The following UBAP2 variants were observed in gnomAD, a reference collection of about 807,000 sequenced individuals.
UBAP2 encodes ubiquitin-associated protein 2.
UBAP2 carries 75 observed loss-of-function variants against 139.6 expected under a neutral mutation model. That is an observed-to-expected ratio of 0.54 (90% CI 0.45 to 0.65). The LOEUF (loss-of-function observed/expected upper bound fraction) is 0.65, where lower values mean the gene tolerates loss of function less well. Among genes scored for constraint, UBAP2 ranks in the 30% least tolerant of loss-of-function variants. The pLI is 0.00. For synonymous variants in UBAP2, 526 were observed against 526.2 expected (o/e 1.00, Z 0.01); for missense variants, 1,368 against 1,369.6 (o/e 1.00, Z 0.02).
chr9:34,032,202 C>T (rs1334227355), intron 1 of UBAP2, among the ~76,000 whole-genome samples: 1 of 152,150 alleles, frequency 6.6e-6, no homozygotes, highest in Non-Finnish European at 1.5e-5. Flanking sequence ...TATCCCTAAA[C>T]GTAGCTAAAC....
At chr9:34,024,997 A>C (rs2131308588) in intron 1 of UBAP2, among the ~76,000 whole-genome samples, 1 of 152,250 alleles carries the variant, frequency 6.6e-6, no homozygotes, top group Non-Finnish European at 1.5e-5. Context: ...AAAAAAAAAA[A>C]ACTTCTGATA....
At chr9:33,966,805 T>A (rs1827497207) in intron 8 of UBAP2, among the ~76,000 whole-genome samples, 1 of 152,156 alleles carries the variant, frequency 6.6e-6, no homozygotes, top group Admixed American at 6.5e-5. Flanking sequence ...TGGTTATAAT[T>A]CTATATGCAT....
chr9:33,932,694 G>T (rs1384816684), intron 18 of UBAP2, 66 bp from the exon 19 acceptor site: 5 of 1,553,314 alleles, frequency 3.2e-6, no homozygotes, highest in Non-Finnish European at 4.4e-6. Context: ...CAAGACGCAC[G>T]TGGGTCAGTG....
chr9:34,040,028 A>T (rs1232336461), intron 1 of UBAP2, among the ~76,000 whole-genome samples: 1 of 151,874 alleles, frequency 6.6e-6, no homozygotes, highest in Admixed American at 6.6e-5. Context: ...GCATGGTGGC[A>T]CATGCCTGTA....
intron 4 of UBAP2, 73 bp downstream of exon 4, chr9:33,996,150 C>A: frequency 2.6e-6 from 3 of 1,171,246 alleles, no homozygotes; most frequent in Non-Finnish European, 2.5e-6. Flanking sequence ...TACCCCCAAA[C>A]AAGGTGAAGT....
chr9:34,010,243 G>C (rs1333100125), intron 2 of UBAP2, among the ~76,000 whole-genome samples: 3 of 149,804 alleles, frequency 2.0e-5, no homozygotes, highest in Admixed American at 2.0e-4. Context: ...GGCCAACATG[G>C]TGAAACCCCG....
intron 16 of UBAP2, among the ~76,000 whole-genome samples, chr9:33,937,424 T>C (rs1824651525): frequency 1.3e-5 from 2 of 151,664 alleles, no homozygotes; most frequent in African/African-American, 2.4e-5. Flanking sequence ...CTAGCCAACA[T>C]AGTGAAACCC....
chr9:34,045,432 C>CATT (rs140323302), intron 1 of UBAP2, among the ~76,000 whole-genome samples: 8,293 of 151,822 alleles, frequency 0.055, 333 homozygotes, highest in Non-Finnish European at 0.082. Context: ...GGATGAAGTC[C>CATT]AATGGCACAT....
rs141342981 is a variant in UBAP2 at position 34,045,239 on chromosome 9, G to A, written c.-42+3586C>T. 2.8e-3 allele frequency among the ~76,000 whole-genome samples: 424 copies of A among 151,322 alleles called. 14 individuals are homozygous for A. The East Asian group carries it at 0.061, about 22-fold the overall frequency. On this transcript the variant is annotated intron_variant, in intron 1 of 28. Coordinates refer to ENST00000379238, the MANE Select transcript of UBAP2 (RefSeq NM_001370062.2). ...CAGGCGCCAGTAGTCCCAGGTACTC[G>A]GGAGGCTGAGGCAGGAAAATGGCAT...
chr9:34,022,945 G>A (rs1254708800), intron 1 of UBAP2, among the ~76,000 whole-genome samples: 1 of 151,706 alleles, frequency 6.6e-6, no homozygotes, highest in East Asian at 1.9e-4. Context: ...GAAAATAATC[G>A]GCTGGGTGCA....
intron 9 of UBAP2, among the ~76,000 whole-genome samples, chr9:33,962,342 G>C (rs1375629637): frequency 1.3e-5 from 2 of 152,110 alleles, no homozygotes; most frequent in Admixed American, 6.6e-5. Context: ...GGCAATTCAG[G>C]AGACATATTA....
chr9:34,031,059 G>A (rs536940873), intron 1 of UBAP2, among the ~76,000 whole-genome samples: 1 of 152,236 alleles, frequency 6.6e-6, no homozygotes, highest in African/African-American at 2.4e-5. Context: ...AGCCTGGCAA[G>A]GTGGGAGTCA....
chr9:33,977,316 C>T (rs956076194), intron 6 of UBAP2, among the ~76,000 whole-genome samples: 5 of 152,052 alleles, frequency 3.3e-5, no homozygotes, highest in South Asian at 2.1e-4. Context: ...GGATTACAGG[C>T]GTGAACCACC....
chr9:33,943,194 T>C (rs542276488), intron 15 of UBAP2, among the ~76,000 whole-genome samples: 2 of 152,340 alleles, frequency 1.3e-5, no homozygotes, highest in South Asian at 4.1e-4. Context: ...ATTCCAGTTA[T>C]ATGAAATGTC....
chr9:33,926,637 G>A lies in UBAP2; in HGVS notation c.2491C>T (p.Leu831=), dbSNP rs775815733. ...PIYGYDELQM[L]QSRLPVDYYG... Reference sequence around the variant, plus strand: ...CTCACCACTGGCAGCCGTGACTGCAGCATCTGGAGCTCGTCATAGCCATAG... The same window carrying A: ...CTCACCACTGGCAGCCGTGACTGCAACATCTGGAGCTCGTCATAGCCATAG... The change falls in exon 22 of 29, where the codon CTG becomes TTG. Residue 831 remains leucine (L), a synonymous_variant. Coordinates refer to ENST00000379238, the MANE Select transcript of UBAP2 (RefSeq NM_001370062.2). The A allele has an allele frequency of 4.3e-6, 7 of 1,614,218 alleles. No individual in the cohort carries two copies. In the East Asian group the frequency reaches 1.3e-4, roughly 31 times the overall value.
intron 1 of UBAP2, among the ~76,000 whole-genome samples, chr9:34,022,226 C>G (rs907197032): frequency 3.3e-5 from 5 of 151,924 alleles, no homozygotes; most frequent in African/African-American, 1.2e-4. Context: ...ACCTGGGCAA[C>G]AAGAGCGAGA....
At chr9:33,926,852 G>T in intron 21 of UBAP2, 137 bp downstream of exon 21, 1 of 995,414 alleles carries the variant, frequency 1.0e-6, no homozygotes, top group Non-Finnish European at 1.6e-6. Flanking sequence ...AGGGCTCAGT[G>T]GGGCAGAGAC....
intron 5 of UBAP2, among the ~76,000 whole-genome samples, chr9:33,987,125 A>G (rs1161224413): frequency 6.6e-6 from 1 of 151,814 alleles, no homozygotes; most frequent in African/African-American, 2.4e-5. Flanking sequence ...AAAATACAAA[A>G]ATTGGCCAGG....
chr9:33,975,734 G>A (rs981222034), intron 6 of UBAP2, among the ~76,000 whole-genome samples: 21 of 150,264 alleles, frequency 1.4e-4, no homozygotes, highest in African/African-American at 4.2e-4. Context: ...ACCCGGAGGC[G>A]GAGCTTGCAG....
Sources: gnomAD v4.1 joint callset for allele counts (sites outside exome capture counted in the v4.1 genomes callset) on GRCh38, gnomAD v4.1.1 for gene constraint, MANE v1.5 for transcripts, NCBI Gene and HGNC (gene_info 2026-07-23, HGNC 2026-07-21) for gene names.